EDIL3: variants seen among roughly 807,000 people sequenced by gnomAD.
The protein encoded by EDIL3 is EGF-like repeat and discoidin I-like domain-containing protein 3.
EDIL3 carries 37 observed loss-of-function variants against 67.4 expected under a neutral mutation model. The observed-to-expected ratio is 0.55, with a 90% CI of 0.42 to 0.72. EDIL3 has a LOEUF of 0.72. Among genes scored for constraint, EDIL3 ranks in the 30% least tolerant of loss-of-function variants. The pLI is 0.00. For missense variants in EDIL3, 527 were observed against 586.3 expected (o/e 0.90, Z 1.04); for synonymous variants, 195 against 196.3 (o/e 0.99, Z 0.05).
intron 9 of EDIL3, among the ~76,000 whole-genome samples, chr5:83,979,335 A>G (rs1045468629): frequency 1.3e-5 from 2 of 152,118 alleles, no homozygotes; most frequent in Non-Finnish European, 2.9e-5. Context: ...TGGCTTAACA[A>G]CTTCGTAGGA....
intron 1 of EDIL3, among the ~76,000 whole-genome samples, chr5:84,295,758 TTC>T (rs1746038276): frequency 6.6e-6 from 1 of 152,214 alleles, no homozygotes. Flanking sequence ...TTGGGTTGAA[TTC>T]TCTCTCTGTG....
At chr5:84,128,020 TGAA>T (rs1464175166) in intron 5 of EDIL3, among the ~76,000 whole-genome samples, 1 of 152,152 alleles carries the variant, frequency 6.6e-6, no homozygotes, top group Non-Finnish European at 1.5e-5. Flanking sequence ...ATTCTTCAGT[TGAA>T]GAAGATTGCT....
At chr5:84,176,983 C>T (rs772944252) in intron 4 of EDIL3, among the ~76,000 whole-genome samples, 1 of 152,102 alleles carries the variant, frequency 6.6e-6, no homozygotes, top group Non-Finnish European at 1.5e-5. Flanking sequence ...GACTCTCATG[C>T]ATTGCTGCTA....
intron 1 of EDIL3, among the ~76,000 whole-genome samples, chr5:84,340,529 T>C (rs1747084039): frequency 1.4e-5 from 1 of 69,842 alleles, no homozygotes; most frequent in Non-Finnish European, 3.3e-5. Flanking sequence ...TCTCTCTCTC[T>C]CTCTCTATAT....
chr5:84,254,338 A>C (rs1488447040), intron 1 of EDIL3, 126 bp from the exon 2 acceptor site: 13 of 1,099,414 alleles, frequency 1.2e-5, no homozygotes, highest in African/African-American at 1.6e-5. Context: ...TAAGATTCAC[A>C]CATAAGATCT....
intron 2 of EDIL3, among the ~76,000 whole-genome samples, chr5:84,248,425 C>G (rs914362199): frequency 6.6e-6 from 1 of 152,194 alleles, no homozygotes; most frequent in Non-Finnish European, 1.5e-5. Flanking sequence ...TTCACTTTCT[C>G]TGCCTATCAC....
chr5:84,214,372 T>A (rs1744185088), intron 3 of EDIL3, among the ~76,000 whole-genome samples: 1 of 152,244 alleles, frequency 6.6e-6, no homozygotes, highest in Non-Finnish European at 1.5e-5. Context: ...AATGGCATGA[T>A]ATTTGCATAC....
At position 84,109,243 on chromosome 5, in the gene EDIL3, T is replaced by G. The variant is rs192896615; in HGVS notation, c.470-2413A>C. Among the ~76,000 whole-genome samples, 314 of 152,302 alleles carry G rather than the reference T, an allele frequency of 2.1e-3. 1 individual carries two copies. Among genetic ancestry groups the G allele is most frequent in the Non-Finnish European group, 3.8e-3 (256 of 68,014 alleles). On this transcript the variant is annotated intron_variant, in intron 5 of 10. Coordinates refer to ENST00000296591, the MANE Select transcript of EDIL3 (RefSeq NM_005711.5). ...AATTCAAGCTGGGCGCAGTGGCTCA[T>G]GTCTGTAATCCCAGCACTTTGGGAG... is the stretch of plus-strand genomic sequence containing the variant.
chr5:84,151,568 G>A (rs1748392126), intron 4 of EDIL3, among the ~76,000 whole-genome samples: 1 of 152,086 alleles, frequency 6.6e-6, no homozygotes, highest in African/African-American at 2.4e-5. Context: ...ACTCAAGAAA[G>A]TCTTTGCAAG....
intron 9 of EDIL3, among the ~76,000 whole-genome samples, chr5:84,011,746 T>C (rs1745520185): frequency 6.6e-6 from 1 of 152,154 alleles, no homozygotes; most frequent in African/African-American, 2.4e-5. Flanking sequence ...GTCTTGACTT[T>C]TGCCTTTCTC....
Position 84,060,417 on chromosome 5 carries a change from G to C in EDIL3, c.1020C>G (p.Ile340Met). The C allele has an allele frequency of 1.2e-6, 2 of 1,613,810 alleles. No individual in the cohort carries two copies. The highest frequency in any genetic ancestry group is 4.5e-5 in the East Asian group (2 of 44,862). Residue 340 changes from isoleucine (I) to methionine (M), a missense_variant, in exon 9 of 11, where the codon ATC becomes ATG. Coordinates refer to ENST00000296591, the MANE Select transcript of EDIL3 (RefSeq NM_005711.5). ...ACATGTCCATGTTGAGCGTTCTGAA[G>C]ATGCTGGAGGCAGTGATCTGATAGT... ...IQDYQITASS[I>M]FRTLNMDMFT... is the part of the protein sequence containing the mutation.
chr5:84,236,854 C>T (rs540555299), intron 2 of EDIL3, among the ~76,000 whole-genome samples: 22 of 150,012 alleles, frequency 1.5e-4, no homozygotes, highest in Admixed American at 4.7e-4. Flanking sequence ...GCAAATAAAA[C>T]GAAGAAACTT....
At position 84,066,453 on chromosome 5, in the gene EDIL3, T is replaced by A; in HGVS notation, c.805A>T (p.Met269Leu). 6.3e-7 allele frequency: 1 copy of A among 1,592,362 alleles called. No homozygotes were observed. Among genetic ancestry groups the A allele is most frequent in the South Asian group, 1.2e-5 (1 of 85,328 alleles). The part of the protein sequence containing the change: ...MYKVKGTNED[M>L]VFRGNIDNNT... ...TAAGTAGGTTAAATTATTCTTACCATGTCTTCATTGGTGCCTTTCACTTTG... is the reference window on the plus strand; with the variant it reads ...TAAGTAGGTTAAATTATTCTTACCAAGTCTTCATTGGTGCCTTTCACTTTG... Residue 269 changes from methionine (M) to leucine (L), a missense_variant and splice_region_variant, in exon 7 of 11, where the codon ATG becomes TTG. Transcript: ENST00000296591.
At chr5:84,307,378 T>A (rs1746293508) in intron 1 of EDIL3, among the ~76,000 whole-genome samples, 1 of 151,890 alleles carries the variant, frequency 6.6e-6, no homozygotes, top group Non-Finnish European at 1.5e-5. Flanking sequence ...AAAATAAAGA[T>A]GCTCCACAAA....
At chr5:84,091,728 T>C (rs1240014915) in intron 6 of EDIL3, among the ~76,000 whole-genome samples, 1 of 152,188 alleles carries the variant, frequency 6.6e-6, no homozygotes, top group Non-Finnish European at 1.5e-5. Flanking sequence ...GATGCTCACT[T>C]ACTTCTGCTT....
At chr5:84,157,790 A>T (rs1350609590) in intron 4 of EDIL3, among the ~76,000 whole-genome samples, 1 of 152,060 alleles carries the variant, frequency 6.6e-6, no homozygotes, top group African/African-American at 2.4e-5. Context: ...TTCCCTTTTA[A>T]TTACTTCTTG....
chr5:84,318,984 T>A (rs191724279), intron 1 of EDIL3, among the ~76,000 whole-genome samples: 1 of 152,106 alleles, frequency 6.6e-6, no homozygotes, highest in African/African-American at 2.4e-5. Flanking sequence ...CATCAAAAAA[T>A]GAGCAAATGA....
intron 1 of EDIL3, among the ~76,000 whole-genome samples, chr5:84,279,144 C>T (rs1484935877): frequency 6.6e-6 from 1 of 152,156 alleles, no homozygotes; most frequent in Admixed American, 6.5e-5. Context: ...CCTCCCTTAT[C>T]CTTTTTCATG....
At chr5:83,988,499 C>T (rs1009116799) in intron 9 of EDIL3, among the ~76,000 whole-genome samples, 1 of 152,066 alleles carries the variant, frequency 6.6e-6, no homozygotes, top group Non-Finnish European at 1.5e-5. Context: ...TCTGTTCTAG[C>T]CAGGAATGGA....
Sources: allele counts gnomAD v4.1 joint callset (sites outside exome capture counted in the v4.1 genomes callset), GRCh38; gene constraint gnomAD v4.1.1; transcripts MANE v1.5; gene names NCBI Gene and HGNC (gene_info 2026-07-23, HGNC 2026-07-21).